Variants in PCDHA1 observed in about 807,000 individuals in gnomAD.
The protein encoded by PCDHA1 is protocadherin alpha 1, also known as protocadherin alpha-1.
Under a neutral mutation model 61.3 loss-of-function variants are expected in PCDHA1, and 42 were observed. The observed-to-expected ratio is 0.69, with a 90% CI of 0.54 to 0.89. The LOEUF is 0.89. Among genes scored for constraint, PCDHA1 ranks in the 40% least tolerant of loss-of-function variants. The pLI is 0.00. For synonymous variants in PCDHA1, 610 were observed against 553.8 expected (o/e 1.10, Z -1.43); for missense variants, 1,256 against 1,235.3 (o/e 1.02, Z -0.25).
chr5:140,856,592 A>G lies in PCDHA1; in HGVS notation c.2394+67908A>G, dbSNP rs782076669. The G allele has an allele frequency of 1.2e-5, 19 of 1,597,836 alleles. 1 individual carries two copies. The highest frequency in any genetic ancestry group is 8.6e-6 in the Non-Finnish European group (10 of 1,167,414). On this transcript the variant is annotated intron_variant, in intron 1 of 3. Transcript: ENST00000504120. ...AAATGAGTATTTTGTTCTTGATATTATAAACAAAAAAGACAAAGACAAATT... is the reference window on the plus strand; with the variant it reads ...AAATGAGTATTTTGTTCTTGATATTGTAAACAAAAAAGACAAAGACAAATT...
At chr5:140,972,871 C>G (rs1436283252) in intron 1 of PCDHA1, among the ~76,000 whole-genome samples, 1 of 152,030 alleles carries the variant, frequency 6.6e-6, no homozygotes, top group Non-Finnish European at 1.5e-5. Flanking sequence ...ATCATGTTGT[C>G]CAGGATGGTC....
intron 1 of PCDHA1, chr5:140,795,612 TGGG>T: frequency 1.9e-6 from 3 of 1,614,180 alleles, no homozygotes; most frequent in Non-Finnish European, 2.5e-6. Flanking sequence ...TGGCTACTGA[TGGG>T]GGCAAACCTG....
chr5:140,830,086 T>G, intron 1 of PCDHA1: 1 of 1,613,548 alleles, frequency 6.2e-7, no homozygotes, highest in African/African-American at 1.3e-5. Context: ...CGGCCACGGT[T>G]CTGGTGTCGC....
intron 1 of PCDHA1, among the ~76,000 whole-genome samples, chr5:140,880,283 A>G (rs1308508886): frequency 3.3e-5 from 5 of 152,250 alleles, no homozygotes; most frequent in African/African-American, 9.6e-5. Flanking sequence ...AAGTTTGACT[A>G]TCTTCATAGT....
chr5:140,954,638 T>C (rs1297767818), intron 1 of PCDHA1, among the ~76,000 whole-genome samples: 2 of 152,212 alleles, frequency 1.3e-5, no homozygotes, highest in Non-Finnish European at 2.9e-5. Flanking sequence ...TTCTTGTAAA[T>C]TTGTTTAAGT....
intron 1 of PCDHA1, chr5:140,811,488 T>C (rs1192193406): frequency 6.6e-6 from 1 of 152,242 alleles, no homozygotes; most frequent in Non-Finnish European, 1.5e-5. Context: ...TGTGTCTTTA[T>C]AGTAGCATGA....
At chr5:140,806,222 G>A (rs1291853395) in intron 1 of PCDHA1, among the ~76,000 whole-genome samples, 2 of 152,080 alleles carry the variant, frequency 1.3e-5, no homozygotes, top group Non-Finnish European at 2.9e-5. Flanking sequence ...AGGACAAAAT[G>A]AACATGCTTG....
intron 1 of PCDHA1, chr5:140,848,856 G>T: frequency 1.3e-6 from 2 of 1,590,682 alleles, no homozygotes; most frequent in South Asian, 2.2e-5. Context: ...CCATGTGGAC[G>T]TGGAGGTGAA....
At chr5:140,938,907 A>T (rs2092260332) in intron 1 of PCDHA1, among the ~76,000 whole-genome samples, 1 of 152,090 alleles carries the variant, frequency 6.6e-6, no homozygotes, top group Non-Finnish European at 1.5e-5. Context: ...GCACACACAC[A>T]CACGCACAAG....
chr5:140,828,284 A>G (rs2150153622), intron 1 of PCDHA1: 2 of 1,614,076 alleles, frequency 1.2e-6, no homozygotes, highest in African/African-American at 2.7e-5. Flanking sequence ...GCGCCTGTTC[A>G]GGATGGCCTC....
chr5:140,908,455 A>G (rs1425485479), intron 1 of PCDHA1, among the ~76,000 whole-genome samples: 7 of 152,178 alleles, frequency 4.6e-5, no homozygotes, highest in South Asian at 4.1e-4. Flanking sequence ...GGCTAGATGG[A>G]TCAGAAAGCA....
chr5:140,996,237 G>T (rs1169717703), intron 3 of PCDHA1, among the ~76,000 whole-genome samples: 1 of 152,186 alleles, frequency 6.6e-6, no homozygotes, highest in Non-Finnish European at 1.5e-5. Context: ...GTTGCTCAAG[G>T]CTGAGAAGTG....
At chr5:141,009,391 C>T (rs1006846075) in intron 3 of PCDHA1, among the ~76,000 whole-genome samples, 1 of 152,086 alleles carries the variant, frequency 6.6e-6, no homozygotes, top group Non-Finnish European at 1.5e-5. Context: ...CACAGGAGGT[C>T]GAGGCTGCAG....
In PCDHA1 at chr5:140,823,096, T is replaced by C. The variant is rs1554129134; in HGVS notation, c.2394+34412T>C. On this transcript the variant is annotated intron_variant, in intron 1 of 3. Transcript: ENST00000504120. Reference sequence around the variant, plus strand: ...TTCGCTGTGGGCCACCGCCAGCGTGTCTGTGGAAGTGGCCGACGTGAACGA... The same window carrying C: ...TTCGCTGTGGGCCACCGCCAGCGTGCCTGTGGAAGTGGCCGACGTGAACGA... The C allele has an allele frequency of 1.9e-6, 3 of 1,613,924 alleles. No individual in the cohort carries two copies. The East Asian group carries it at 6.7e-5, about 36-fold the overall frequency.
At chr5:140,877,745 T>C (rs1554170071) in intron 1 of PCDHA1, 3 of 1,614,108 alleles carry the variant, frequency 1.9e-6, no homozygotes, top group Non-Finnish European at 2.5e-6. Context: ...AGGCAGAGGG[T>C]GTGCTCTGCA....
At chr5:140,829,371 C>G (rs1243458912) in intron 1 of PCDHA1, 1 of 1,614,080 alleles carries the variant, frequency 6.2e-7, no homozygotes, top group African/African-American at 1.3e-5. Context: ...GTGGTAACCG[C>G]GCGGGACGGG....
intron 1 of PCDHA1, among the ~76,000 whole-genome samples, chr5:140,880,084 T>C (rs1554171167): frequency 6.6e-6 from 1 of 152,208 alleles, no homozygotes. Context: ...CAACCTATTA[T>C]AGTAGGCTTA....
rs1554117408 is a variant in PCDHA1 at position 140,786,489 on chromosome 5, G to A, written c.199G>A (p.Ala67Thr). 1 of 1,613,796 alleles carries A rather than the reference G, an allele frequency of 6.2e-7. No individual in the cohort carries two copies. The highest frequency in any genetic ancestry group is 1.1e-5 in the South Asian group (1 of 91,062). The stretch of plus-strand genomic sequence containing the variant: ...GCTGGTGCCTCGCCTGTTCCGGGTG[G>A]CGTCCAAAACACACAGGGACCTTCT... ...AELVPRLFRV[A>T]SKTHRDLLEV... Residue 67 changes from alanine to threonine, a missense_variant, in exon 1 of 4, where the codon GCG (alanine) becomes ACG (threonine). Transcript: ENST00000504120.
intron 1 of PCDHA1, among the ~76,000 whole-genome samples, chr5:140,934,036 G>T (rs181745303): frequency 2.9e-4 from 44 of 151,956 alleles, no homozygotes; most frequent in African/African-American, 1.0e-3. Context: ...GTTTATTAAT[G>T]ATATTAGTCT....
Sources: allele counts gnomAD v4.1 joint callset (sites outside exome capture counted in the v4.1 genomes callset), GRCh38; gene constraint gnomAD v4.1.1; transcripts MANE v1.5; gene names NCBI Gene and HGNC (gene_info 2026-07-23, HGNC 2026-07-21).